Variants in IL2RA observed in about 807,000 individuals in gnomAD.
The protein encoded by IL2RA is interleukin 2 receptor subunit alpha.
A neutral mutation model predicts 37.8 loss-of-function variants in IL2RA; 24 were observed. That is an observed-to-expected ratio of 0.63 (90% CI 0.46 to 0.89). The LOEUF is 0.89. Ranked by LOEUF, IL2RA falls within the 40% of genes least tolerant of loss-of-function variation. IL2RA has a pLI of 0.00. For synonymous variants in IL2RA, 125 were observed against 114.6 expected, an observed-to-expected ratio of 1.09 and a Z score of -0.58; for missense variants, 319 against 348.6, an observed-to-expected ratio of 0.92 and a Z score of 0.68.
chr10:6,024,680 G>GTC (rs1361929112), intron 2 of IL2RA, among the ~76,000 whole-genome samples: 2 of 152,188 alleles, frequency 1.3e-5, no homozygotes, highest in Non-Finnish European at 2.9e-5. Context: ...GCATGTGTGT[G>GTC]TCTCTCACCA....
intron 1 of IL2RA, among the ~76,000 whole-genome samples, chr10:6,037,055 C>T (rs1839696280): frequency 6.6e-6 from 1 of 152,146 alleles, no homozygotes; most frequent in African/African-American, 2.4e-5. Flanking sequence ...TCTCTGCCCC[C>T]TCTCCATCTG....
At chr10:6,051,817 C>CTATATATATATATATATATATA (rs61008683) in intron 1 of IL2RA, among the ~76,000 whole-genome samples, 1,456 of 33,368 alleles carry the variant, frequency 0.044, 310 homozygotes, top group Non-Finnish European at 0.064. Flanking sequence ...TCATGCCCAG[C>CTATATATATATATATATATATA]TATATATATA....
intron 7 of IL2RA, among the ~76,000 whole-genome samples, chr10:6,017,783 G>A (rs1156501998): frequency 1.3e-5 from 2 of 152,050 alleles, no homozygotes; most frequent in African/African-American, 4.8e-5. Flanking sequence ...TGCCATGTTG[G>A]CCAGGCTTGT....
chr10:6,057,977 T>G lies in IL2RA; in HGVS notation c.64+4111A>C, dbSNP rs1588327439. 6.6e-6 allele frequency among the ~76,000 whole-genome samples: 1 copy of G among 152,016 alleles called. No individual in the cohort carries two copies. The highest frequency in any genetic ancestry group is 2.1e-4 in the South Asian group (1 of 4,820). ...CCCGTCTCTACTAAAAATACAAAAA[T>G]TAGCCAGGCGTGGTGGCAGGTGCCT... is the stretch of plus-strand genomic sequence containing the variant. On this transcript the variant is annotated intron_variant, in intron 1 of 7. Coordinates refer to ENST00000379959, the MANE Select transcript of IL2RA (RefSeq NM_000417.3). This position sits in a 1 kb window ranked among gnomAD's most constrained non-coding sequence, Gnocchi z 4.8.
intron 1 of IL2RA, among the ~76,000 whole-genome samples, chr10:6,034,324 C>T (rs1839645904): frequency 6.6e-6 from 1 of 152,150 alleles, no homozygotes; most frequent in African/African-American, 2.4e-5. Flanking sequence ...ATCCTTTTCC[C>T]TGAAAGGCCT....
Position 6,062,229 on chromosome 10 carries a change from T to C in IL2RA, c.-78A>G. On this transcript the variant is annotated 5_prime_UTR_variant, in exon 1 of 8. Coordinates refer to ENST00000379959, the MANE Select transcript of IL2RA (RefSeq NM_000417.3). ...AGAAGGCCCAGTTGCCGTCAGCCTC[T>C]TTTTGGCATCGCGCCGGAGGATGTG... The C allele has an allele frequency of 1.6e-6, 2 of 1,279,936 alleles. No individual in the cohort carries two copies. Among genetic ancestry groups the C allele is most frequent in the Non-Finnish European group, 2.3e-6 (2 of 878,096 alleles). The allele number at this position is 1,279,936 out of a possible 1,614,324, so 79.3% of individuals were successfully genotyped here.
Position 6,029,534 on chromosome 10 carries a change from G to A in IL2RA, c.65-3509C>T, listed in dbSNP as rs1038042383. Among the ~76,000 whole-genome samples the A allele has an allele frequency of 2.6e-5, 4 of 152,098 alleles. No individual in the cohort carries two copies. Among genetic ancestry groups the A allele is most frequent in the African/African-American group, 9.7e-5 (4 of 41,410 alleles). On this transcript the variant is annotated intron_variant, in intron 1 of 7. Coordinates refer to ENST00000379959, the MANE Select transcript of IL2RA (RefSeq NM_000417.3). This position sits in a 1 kb window ranked among gnomAD's most constrained non-coding sequence, Gnocchi z 4.6. ...ATTTATTTACATTTTGTCTATGGCT[G>A]CTTTTCTGCTATAATGGCAGAGTTG...
chr10:6,054,644 G>T lies in IL2RA; in HGVS notation c.64+7444C>A, dbSNP rs111934333. Among the ~76,000 whole-genome samples, 1,555 of 152,130 alleles carry T rather than the reference G, an allele frequency of 0.01. 34 individuals are homozygous for T. The highest frequency in any genetic ancestry group is 0.036 in the African/African-American group (1,477 of 41,488). On this transcript the variant is annotated intron_variant, in intron 1 of 7. Coordinates refer to ENST00000379959, the MANE Select transcript of IL2RA (RefSeq NM_000417.3). The surrounding 1 kb of genome is among the most constrained non-coding windows in gnomAD (Gnocchi z 4.5). ...TCACTACTCATGGAACACGGTCCAT[G>T]TACACGACTCCAGCAGCATCACTAG... is the stretch of plus-strand genomic sequence containing the variant.
rs768574986 is a variant in IL2RA at position 6,012,419 on chromosome 10, G to T, written c.*453C>A. ...GGAACCACGCAGACAATGTCCAGTT[G>T]TATAGGGTAGAGTGTGTGTGTTGTG... On this transcript the variant is annotated 3_prime_UTR_variant, in exon 8 of 8. Transcript: ENST00000379959. The surrounding 1 kb of genome is among the most constrained non-coding windows in gnomAD (Gnocchi z 4.8). The T allele has an allele frequency of 2.5e-5, 5 of 197,326 alleles. No individual in the cohort carries two copies. The highest frequency in any genetic ancestry group is 4.2e-5 in the Non-Finnish European group (4 of 94,998). 12.2% of individuals were successfully genotyped at this position (197,326 alleles called of 1,614,324 possible). A position where few individuals can be genotyped will look rare whatever the true frequency, so the allele number is the denominator to read the frequency against.
chr10:6,062,241 C>T lies in IL2RA; in HGVS notation c.-90G>A. ...TGCCGTCAGCCTCTTTTTGGCATCG[C>T]GCCGGAGGATGTGGGATGGGAAGAT... On this transcript the variant is annotated 5_prime_UTR_variant, in exon 1 of 8. Transcript: ENST00000379959. 3 of 1,124,046 alleles carry T rather than the reference C, an allele frequency of 2.7e-6. No individual in the cohort carries two copies. The highest frequency in any genetic ancestry group is 1.8e-5 in the Admixed American group (1 of 56,912). 69.6% of individuals were successfully genotyped at this position (1,124,046 alleles called of 1,614,324 possible).
In IL2RA at chr10:6,045,636, A is replaced by G. The variant is rs189860576; in HGVS notation, c.64+16452T>C. 5.1e-4 allele frequency among the ~76,000 whole-genome samples: 78 copies of G among 152,334 alleles called. 1 individual carries two copies. The South Asian group carries it at 0.011, about 21-fold the overall frequency. On this transcript the variant is annotated intron_variant, in intron 1 of 7. Coordinates refer to ENST00000379959, the MANE Select transcript of IL2RA (RefSeq NM_000417.3). ...CACTCTTTTTCTTTCTCTGAAATCTAAAAGCAGTTTTTCCTCAAATCTTTA... is the reference window on the plus strand; with the variant it reads ...CACTCTTTTTCTTTCTCTGAAATCTGAAAGCAGTTTTTCCTCAAATCTTTA...
At chr10:6,019,604 G>C in intron 5 of IL2RA, 105 bp from the exon 6 acceptor site, 1 of 901,074 alleles carries the variant, frequency 1.1e-6, no homozygotes, top group Non-Finnish European at 1.9e-6. Context: ...CTCAGAGGCT[G>C]GTGGGAGACA....
chr10:6,023,301 T>C (rs1839418824), intron 3 of IL2RA, among the ~76,000 whole-genome samples: 1 of 152,198 alleles, frequency 6.6e-6, no homozygotes, highest in African/African-American at 2.4e-5. Flanking sequence ...AGCTCAATTC[T>C]TCCTAGCAGG....
Position 6,048,795 on chromosome 10 carries a change from C to T in IL2RA, c.64+13293G>A, listed in dbSNP as rs1439126602. 2.0e-5 allele frequency among the ~76,000 whole-genome samples: 3 copies of T among 152,202 alleles called. No individual in the cohort carries two copies. The highest frequency in any genetic ancestry group is 4.4e-5 in the Non-Finnish European group (3 of 68,046). ...GTACAAGCCATGCCCTGACTGAGACCCCTCTGGGATGTTCTGTTCCTTCCA... is the reference window on the plus strand; with the variant it reads ...GTACAAGCCATGCCCTGACTGAGACTCCTCTGGGATGTTCTGTTCCTTCCA... On this transcript the variant is annotated intron_variant, in intron 1 of 7. Coordinates refer to ENST00000379959, the MANE Select transcript of IL2RA (RefSeq NM_000417.3). The surrounding 1 kb of genome is among the most constrained non-coding windows in gnomAD (Gnocchi z 5.3).
chr10:6,059,829 G>A (rs146607821), intron 1 of IL2RA, among the ~76,000 whole-genome samples: 65 of 152,220 alleles, frequency 4.3e-4, no homozygotes, highest in African/African-American at 1.5e-3. Context: ...CCAACGCTCC[G>A]TAGATCTTAC....
intron 4 of IL2RA, 37 bp from the exon 5 acceptor site, chr10:6,019,978 C>T (rs1257374917): frequency 8.2e-6 from 13 of 1,577,878 alleles, no homozygotes; most frequent in Non-Finnish European, 9.6e-6. Context: ...TGGAGCTAAA[C>T]ACAGGAGTCA....
rs188613092 is a variant in IL2RA, at chr10:6,012,394, G to C, written c.*478C>G. 6.1e-6 allele frequency: 1 copy of C among 163,378 alleles called. No individual in the cohort carries two copies. The highest frequency in any genetic ancestry group is 1.3e-5 in the Non-Finnish European group (1 of 74,374). 10.1% of individuals were successfully genotyped at this position (163,378 alleles called of 1,614,324 possible). On this transcript the variant is annotated 3_prime_UTR_variant, in exon 8 of 8. Coordinates refer to ENST00000379959, the MANE Select transcript of IL2RA (RefSeq NM_000417.3). This position sits in a 1 kb window ranked among gnomAD's most constrained non-coding sequence, Gnocchi z 4.8. ...TCAGCAGTCAGAAGCGGCTGAGAAA[G>C]GAACCACGCAGACAATGTCCAGTTG... is the stretch of plus-strand genomic sequence containing the variant.
chr10:6,041,116 C>CTTTTTTT (rs34852465), intron 1 of IL2RA, among the ~76,000 whole-genome samples: 6 of 126,496 alleles, frequency 4.7e-5, no homozygotes, highest in African/African-American at 8.8e-5. Context: ...TGAGTTAATT[C>CTTTTTTT]TTTTTTTTTT....
In IL2RA at chr10:6,022,712, C is replaced by A. The variant is rs1022399955; in HGVS notation, c.368-1019G>T. On this transcript the variant is annotated intron_variant, in intron 3 of 7. Coordinates refer to ENST00000379959, the MANE Select transcript of IL2RA (RefSeq NM_000417.3). This position sits in a 1 kb window ranked among gnomAD's most constrained non-coding sequence, Gnocchi z 4.7. ...AGGTTGTTTGACAGCCAGTACAATT[C>A]GTAACTGTCTGAACATGTTTGAATT... Among the ~76,000 whole-genome samples the A allele has an allele frequency of 1.3e-5, 2 of 152,228 alleles. No homozygotes were observed. Among genetic ancestry groups the A allele is most frequent in the Admixed American group, 6.5e-5 (1 of 15,286 alleles).
Sources: allele counts gnomAD v4.1 joint callset (sites outside exome capture counted in the v4.1 genomes callset), GRCh38; gene constraint gnomAD v4.1.1; non-coding constraint Gnocchi (gnomAD v3.1); transcripts MANE v1.5; gene names NCBI Gene and HGNC (gene_info 2026-07-23, HGNC 2026-07-21).